Variants in YEATS2 observed in about 807,000 individuals in gnomAD.
The protein encoded by YEATS2 is YEATS domain containing 2.
Under a neutral mutation model 163.2 loss-of-function variants are expected in YEATS2, and 77 were observed. The ratio of observed to expected loss-of-function variants is 0.47; its 90% CI spans 0.39 to 0.57. YEATS2 has a LOEUF of 0.57. Ranked by LOEUF, YEATS2 falls within the 20% of genes least tolerant of loss-of-function variation. The pLI is 0.00. For missense variants in YEATS2, 1,549 were observed against 1,729.8 expected (o/e 0.90, Z 1.85); for synonymous variants, 631 against 645.1 (o/e 0.98, Z 0.33).
In YEATS2 at chr3:183,754,195, C is replaced by T. The variant is rs753739470; in HGVS notation, c.1220C>T (p.Thr407Ile). Residue 407 changes from threonine to isoleucine, a missense_variant, in exon 11 of 31, where the codon ACA (threonine) becomes ATA (isoleucine). Physicochemically the swap from Thr to Ile is moderately conservative, Grantham distance 89. Coordinates refer to ENST00000305135, the MANE Select transcript of YEATS2 (RefSeq NM_018023.5). The stretch of plus-strand genomic sequence containing the variant: ...GCTTTGCCATCTTCATTGGAAAGAA[C>T]ACCCACCAAAATGACTACATCCCAG... ...FYALPSSLER[T>I]PTKMTTSQKV... 6.2e-7 allele frequency: 1 copy of T among 1,613,472 alleles called. No individual in the cohort carries two copies. The highest frequency in any genetic ancestry group is 2.2e-5 in the East Asian group (1 of 44,870).
At chr3:183,775,442 A>C (rs1722886315) in intron 17 of YEATS2, among the ~76,000 whole-genome samples, 1 of 152,188 alleles carries the variant, frequency 6.6e-6, no homozygotes, top group Non-Finnish European at 1.5e-5. Context: ...CTAAAAATAC[A>C]AAATTAGCTG....
Position 183,790,803 on chromosome 3 carries a change from G to GGAAT in YEATS2, c.2922_2925dup (p.Ala976AsnfsTer101). 1 of 1,613,764 alleles carries GGAAT rather than the reference G, an allele frequency of 6.2e-7. No homozygotes were observed. Among genetic ancestry groups the GGAAT allele is most frequent in the East Asian group, 2.2e-5 (1 of 44,868 alleles). On this transcript the variant is annotated frameshift_variant, in exon 21 of 31. Transcript: ENST00000305135. LOFTEE classifies it high-confidence loss of function. ...GGACCCCATGGGTGAGCAGTCTGAAGGAATGGCTCCCGTGTCTTCATCTAC... is the reference window on the plus strand; with the variant it reads ...GGACCCCATGGGTGAGCAGTCTGAAGGAATGAATGGCTCCCGTGTCTTCATCTAC...
At chr3:183,705,049 T>C (rs1403312853) in intron 1 of YEATS2, among the ~76,000 whole-genome samples, 5 of 152,114 alleles carry the variant, frequency 3.3e-5, no homozygotes, top group Non-Finnish European at 7.4e-5. Flanking sequence ...TTTTTGTTTG[T>C]TGTGTTTGTT....
intron 10 of YEATS2, 123 bp downstream of exon 10, chr3:183,752,376 C>T: frequency 8.2e-7 from 1 of 1,225,522 alleles, no homozygotes; most frequent in Non-Finnish European, 1.1e-6. Context: ...GCCTCTACTA[C>T]ACAGTTCTGT....
At chr3:183,792,043 A>G (rs1215199954) in intron 21 of YEATS2, among the ~76,000 whole-genome samples, 1 of 152,224 alleles carries the variant, frequency 6.6e-6, no homozygotes, top group Non-Finnish European at 1.5e-5. Context: ...TGCCACTGCC[A>G]TTATCATGTG....
At chr3:183,789,701 A>G (rs899026524) in intron 20 of YEATS2, among the ~76,000 whole-genome samples, 1 of 115,724 alleles carries the variant, frequency 8.6e-6, no homozygotes, top group Non-Finnish European at 1.9e-5. Flanking sequence ...ACGCCCAGCT[A>G]ATTTTTTTTT....
chr3:183,777,399 A>G, intron 18 of YEATS2, 143 bp from the exon 19 acceptor site: 5 of 848,132 alleles, frequency 5.9e-6, no homozygotes, highest in Non-Finnish European at 9.0e-6. Flanking sequence ...ATTCTTTTGA[A>G]TTATTTTGCC....
chr3:183,798,801 C>A, intron 22 of YEATS2, 90 bp from the exon 23 acceptor site: 1 of 1,006,316 alleles, frequency 9.9e-7, no homozygotes, highest in Non-Finnish European at 1.6e-6. Context: ...TGCTGTTAGT[C>A]TAATGTGGGG....
At chr3:183,809,545 A>G (rs1726582476) in intron 30 of YEATS2, 1 of 159,760 alleles carries the variant, frequency 6.3e-6, no homozygotes. Flanking sequence ...CAGAACTATT[A>G]TTCTCTTTTT....
At chr3:183,770,537 C>T (rs1389545893) in intron 15 of YEATS2, among the ~76,000 whole-genome samples, 1 of 152,110 alleles carries the variant, frequency 6.6e-6, no homozygotes, top group East Asian at 1.9e-4. Context: ...CCCCCATATC[C>T]TCCACCCCAA....
intron 1 of YEATS2, among the ~76,000 whole-genome samples, chr3:183,712,223 T>TGTTATGTTATGTTATGTTATGTTATGTTA (rs1577037882): frequency 6.7e-6 from 1 of 150,232 alleles, no homozygotes; most frequent in African/African-American, 2.5e-5. Flanking sequence ...TTTTATTTTA[T>TGTTATGTTATGTTATGTTATGTTATGTTA]TTTTTGAGAC....
intron 24 of YEATS2, chr3:183,801,111 G>A (rs539809300): frequency 5.3e-6 from 1 of 189,176 alleles, no homozygotes; most frequent in East Asian, 1.4e-4. Flanking sequence ...GGCGTGAACT[G>A]TAATAACCCT....
chr3:183,755,196 G>A (rs574614917), intron 11 of YEATS2, among the ~76,000 whole-genome samples: 2 of 151,956 alleles, frequency 1.3e-5, no homozygotes, highest in South Asian at 4.2e-4. Flanking sequence ...GCTCACTGCA[G>A]CCTCCACCTC....
At chr3:183,757,892 G>T (rs2109325413) in intron 12 of YEATS2, among the ~76,000 whole-genome samples, 1 of 152,154 alleles carries the variant, frequency 6.6e-6, no homozygotes, top group East Asian at 1.9e-4. Context: ...TGCCAAATAG[G>T]TGTTATTTCA....
intron 9 of YEATS2, 95 bp downstream of exon 9, chr3:183,747,811 G>T (rs747271090): frequency 5.1e-6 from 6 of 1,178,988 alleles, no homozygotes; most frequent in Non-Finnish European, 7.4e-6. Flanking sequence ...CGGGGTCTTC[G>T]CTCTGTCACC....
At chr3:183,775,708 TGAAAG>T (rs1722921321) in intron 17 of YEATS2, among the ~76,000 whole-genome samples, 1 of 152,152 alleles carries the variant, frequency 6.6e-6, no homozygotes, top group Admixed American at 6.5e-5. Context: ...GTCATGCAGT[TGAAAG>T]GAAATAGATT....
At chr3:183,705,360 ATTT>A (rs1207219497) in intron 1 of YEATS2, among the ~76,000 whole-genome samples, 7 of 152,078 alleles carry the variant, frequency 4.6e-5, no homozygotes, top group Admixed American at 4.6e-4. Flanking sequence ...TATCATCTGT[ATTT>A]TTATAAATTG....
At chr3:183,744,051 T>G (rs1262884250) in intron 8 of YEATS2, among the ~76,000 whole-genome samples, 1 of 151,886 alleles carries the variant, frequency 6.6e-6, no homozygotes, top group Admixed American at 6.6e-5. Context: ...AGCCACTTTA[T>G]TAAGGGGCAG....
At chr3:183,806,655 A>G (rs1413216968) in intron 27 of YEATS2, 2 of 581,710 alleles carry the variant, frequency 3.4e-6, no homozygotes, top group Non-Finnish European at 6.1e-6. Flanking sequence ...GTTACCTTAC[A>G]TAGATCACAC....
Sources: allele counts gnomAD v4.1 joint callset (sites outside exome capture counted in the v4.1 genomes callset), GRCh38; gene constraint gnomAD v4.1.1; transcripts MANE v1.5; gene names NCBI Gene and HGNC (gene_info 2026-07-23, HGNC 2026-07-21).